DYRK1A: variants seen among roughly 807,000 people sequenced by gnomAD.
DYRK1A encodes the protein dual specificity tyrosine phosphorylation regulated kinase 1A, also known as dual specificity tyrosine-phosphorylation-regulated kinase 1A.
DYRK1A carries 9 observed loss-of-function variants against 79.7 expected under a neutral mutation model. That is an observed-to-expected ratio of 0.11 (90% CI 0.07 to 0.20). DYRK1A has a LOEUF of 0.20. DYRK1A is among the 10% of genes least tolerant of loss of function. The pLI is 1.00. For synonymous variants in DYRK1A, 349 were observed against 329.7 expected (o/e 1.06, Z -0.63); for missense variants, 622 against 956.0 (o/e 0.65, Z 4.61).
chr21:37,445,864 C>T (rs1248504126), intron 2 of DYRK1A, among the ~76,000 whole-genome samples: 1 of 152,164 alleles, frequency 6.6e-6, no homozygotes, highest in African/African-American at 2.4e-5. Flanking sequence ...TTCTTACTGG[C>T]AGGGCACAGT....
At chr21:37,384,290 A>G (rs570362467) in intron 1 of DYRK1A, among the ~76,000 whole-genome samples, 27 of 152,304 alleles carry the variant, frequency 1.8e-4, no homozygotes, top group Admixed American at 7.8e-4. Context: ...TTGTACATGT[A>G]TAAGGTGAAG....
At chr21:37,409,470 A>G (rs1293643976) in intron 1 of DYRK1A, among the ~76,000 whole-genome samples, 1 of 152,134 alleles carries the variant, frequency 6.6e-6, no homozygotes, top group Non-Finnish European at 1.5e-5. Flanking sequence ...ACTGATTTTT[A>G]AAAACAAATA....
chr21:37,472,206 G>GA (rs2052249263), intron 2 of DYRK1A, among the ~76,000 whole-genome samples: 1 of 152,154 alleles, frequency 6.6e-6, no homozygotes, highest in Admixed American at 6.5e-5. Flanking sequence ...TGTCAGTGGA[G>GA]AGCACCATAA....
rs1024685523 is a variant in DYRK1A at position 37,516,749 on chromosome 21, CAGTG to C, written c.*4219_*4222del. 7 of 152,116 alleles carry C rather than the reference CAGTG, an allele frequency of 4.6e-5. No homozygotes were observed. Among genetic ancestry groups the C allele is most frequent in the Non-Finnish European group, 1.0e-4 (7 of 68,010 alleles). The allele number at this position is 152,116 out of a possible 1,614,324, so 9.4% of individuals were successfully genotyped here. A position where few individuals can be genotyped will look rare whatever the true frequency, so the allele number is the denominator to read the frequency against. ...CAAGGTCCCAGATTTTGGCTGCTCT[CAGTG>C]GGTGTTCTTGCATCAGAACTTTAAA... On this transcript the variant is annotated 3_prime_UTR_variant, in exon 12 of 12. Transcript: ENST00000647188.
Position 37,519,257 on chromosome 21 carries a change from G to T in DYRK1A, c.*6726G>T, listed in dbSNP as rs1227943907. ...GGGTTTCCCAGGGCACCAGCCACCA[G>T]CTCTGTATAGTAGTTACAGTTTCCC... On this transcript the variant is annotated 3_prime_UTR_variant, in exon 12 of 12. Transcript: ENST00000647188. 1 of 152,210 alleles carries T rather than the reference G, an allele frequency of 6.6e-6. No individual in the cohort carries two copies. Among genetic ancestry groups the T allele is most frequent in the African/African-American group, 2.4e-5 (1 of 41,420 alleles). 9.4% of individuals were successfully genotyped at this position (152,210 alleles called of 1,614,324 possible). A position where few individuals can be genotyped will look rare whatever the true frequency, so the allele number is the denominator to read the frequency against.
chr21:37,506,212 C>T lies in DYRK1A; in HGVS notation c.1633C>T (p.His545Tyr). Residue 545 changes from histidine to tyrosine, a missense_variant, in exon 11 of 12, where the codon CAC (histidine) becomes TAC (tyrosine). This residue lies in a region of DYRK1A where 292 missense variants were observed against 316.7 expected (regional missense o/e 0.92). Coordinates refer to ENST00000647188, the MANE Select transcript of DYRK1A (RefSeq NM_001347721.2). ...AAVQAMDCET[H>Y]SPQVRQQFPA... ...CGTGCAGGCCATGGACTGCGAGACACACAGTCCCCAGGTGAGCTCGCACGT... is the reference window on the plus strand; with the variant it reads ...CGTGCAGGCCATGGACTGCGAGACATACAGTCCCCAGGTGAGCTCGCACGT... The T allele has an allele frequency of 6.2e-7, 1 of 1,614,138 alleles. No individual in the cohort carries two copies. The highest frequency in any genetic ancestry group is 8.5e-7 in the Non-Finnish European group (1 of 1,180,012).
chr21:37,443,158 C>T (rs1323309919), intron 2 of DYRK1A, among the ~76,000 whole-genome samples: 4 of 151,592 alleles, frequency 2.6e-5, no homozygotes, highest in African/African-American at 9.7e-5. Flanking sequence ...TTTTTTTCCC[C>T]TTTCTTTTAG....
At chr21:37,442,361 C>T (rs1011931245) in intron 2 of DYRK1A, among the ~76,000 whole-genome samples, 7 of 152,020 alleles carry the variant, frequency 4.6e-5, no homozygotes, top group African/African-American at 1.2e-4. Context: ...TTGAGATTGT[C>T]CCAGAACTCA....
chr21:37,417,539 T>TCTTTTTCTTTTTC (rs1256835886), intron 1 of DYRK1A, among the ~76,000 whole-genome samples: 2 of 109,488 alleles, frequency 1.8e-5, no homozygotes, highest in Non-Finnish European at 4.1e-5. Flanking sequence ...CTTTTTTTTT[T>TCTTTTTCTTTTTC]TTTTTTTTTT....
At chr21:37,413,087 A>T (rs1275936965) in intron 1 of DYRK1A, among the ~76,000 whole-genome samples, 3 of 152,208 alleles carry the variant, frequency 2.0e-5, no homozygotes, top group Admixed American at 2.0e-4. Flanking sequence ...ATACAAGAAC[A>T]TACATTTTAA....
At chr21:37,407,143 A>G (rs1378188618) in intron 1 of DYRK1A, among the ~76,000 whole-genome samples, 2 of 152,020 alleles carry the variant, frequency 1.3e-5, no homozygotes, top group Non-Finnish European at 1.5e-5. Flanking sequence ...CCTAATTCGA[A>G]GTGTTTGGGA....
intron 5 of DYRK1A, 136 bp from the exon 6 acceptor site, chr21:37,486,331 A>T: frequency 1.7e-6 from 1 of 599,432 alleles, no homozygotes. Flanking sequence ...CATCTCTTCT[A>T]CTTAGGAAGG....
chr21:37,444,956 G>T (rs2051220956), intron 2 of DYRK1A, among the ~76,000 whole-genome samples: 1 of 152,102 alleles, frequency 6.6e-6, no homozygotes. Context: ...AGTGACTGGG[G>T]CACTGGGAGG....
chr21:37,407,225 A>G (rs2050164940), intron 1 of DYRK1A, among the ~76,000 whole-genome samples: 1 of 152,192 alleles, frequency 6.6e-6, no homozygotes, highest in African/African-American at 2.4e-5. Flanking sequence ...ACCTAAGACT[A>G]AACATTCATT....
intron 2 of DYRK1A, among the ~76,000 whole-genome samples, chr21:37,442,767 G>T (rs1459700217): frequency 6.6e-6 from 1 of 152,014 alleles, no homozygotes; most frequent in Non-Finnish European, 1.5e-5. Context: ...TTCAATTTGG[G>T]TGTCTTAAAA....
At chr21:37,434,454 T>A (rs567103551) in intron 2 of DYRK1A, among the ~76,000 whole-genome samples, 3 of 152,198 alleles carry the variant, frequency 2.0e-5, no homozygotes, top group Non-Finnish European at 4.4e-5. Flanking sequence ...TTAAAGAAAC[T>A]CTCAACCACT....
chr21:37,470,450 C>T (rs763951289), intron 2 of DYRK1A, among the ~76,000 whole-genome samples: 2 of 152,100 alleles, frequency 1.3e-5, no homozygotes, highest in Non-Finnish European at 1.5e-5. Context: ...TGGTGTGTGT[C>T]ACAGGTTTCA....
intron 2 of DYRK1A, among the ~76,000 whole-genome samples, chr21:37,442,933 C>T (rs2148482021): frequency 6.6e-6 from 1 of 152,220 alleles, no homozygotes; most frequent in South Asian, 2.1e-4. Context: ...CTCCAGGGCT[C>T]AAGGAATCTT....
At chr21:37,406,626 C>T (rs2050150182) in intron 1 of DYRK1A, among the ~76,000 whole-genome samples, 1 of 151,732 alleles carries the variant, frequency 6.6e-6, no homozygotes, top group South Asian at 2.1e-4. Context: ...TGCTTGAACC[C>T]GGGAGGCAGA....
Sources: allele counts gnomAD v4.1 joint callset (sites outside exome capture counted in the v4.1 genomes callset), GRCh38; gene constraint gnomAD v4.1.1; regional missense constraint gnomAD v4.1.1; transcripts MANE v1.5; gene names NCBI Gene and HGNC (gene_info 2026-07-23, HGNC 2026-07-21).